CDH13: variants seen among roughly 807,000 people sequenced by gnomAD.
CDH13 encodes cadherin 13.
CDH13 carries 24 observed loss-of-function variants against 63.8 expected under a neutral mutation model. The observed-to-expected ratio is 0.38, with a 90% CI of 0.27 to 0.53. The LOEUF (loss-of-function observed/expected upper bound fraction) is 0.53, where lower values mean the gene tolerates loss of function less well. Among genes scored for constraint, CDH13 ranks in the 20% least tolerant of loss-of-function variants. The probability of loss-of-function intolerance (pLI) is 0.85; values close to 1 mark genes in which losing one functional copy is unlikely to be tolerated. For synonymous variants in CDH13, 503 were observed against 355.3 expected, an observed-to-expected ratio of 1.42 and a Z score of -4.67; for missense variants, 1,049 against 903.1, an observed-to-expected ratio of 1.16 and a Z score of -2.07.
chr16:83,624,716 C>G (rs895810768), intron 8 of CDH13, among the ~76,000 whole-genome samples: 6 of 152,142 alleles, frequency 3.9e-5, no homozygotes, highest in Non-Finnish European at 5.9e-5. Flanking sequence ...CCCTAGATCA[C>G]CTGCCCACCT....
At chr16:82,820,683 C>T (rs2037962994) in intron 1 of CDH13, among the ~76,000 whole-genome samples, 1 of 152,176 alleles carries the variant, frequency 6.6e-6, no homozygotes, top group Non-Finnish European at 1.5e-5. Context: ...GACAGGGTTC[C>T]TCCCCCAAAA....
At chr16:83,479,803 A>T (rs2073711361) in intron 6 of CDH13, among the ~76,000 whole-genome samples, 1 of 152,248 alleles carries the variant, frequency 6.6e-6, no homozygotes, top group African/African-American at 2.4e-5. Context: ...ATCACATCAG[A>T]TGTATTAGAT....
intron 7 of CDH13, among the ~76,000 whole-genome samples, chr16:83,576,041 A>G (rs1339099462): frequency 6.6e-6 from 1 of 152,238 alleles, no homozygotes; most frequent in Non-Finnish European, 1.5e-5. Context: ...TGTTAAAGTG[A>G]CAAGTTGAGT....
rs544482529 is a variant in CDH13 at position 82,929,337 on chromosome 16, G to A, written c.157+70864G>A. ...AAAAGAGACCCCAGTGAACTCGCTC[G>A]TCCTTTTCTACTACATGAGGACACA... On this transcript the variant is annotated intron_variant, in intron 2 of 13. Transcript: ENST00000567109. 7.3e-4 allele frequency among the ~76,000 whole-genome samples: 111 copies of A among 151,924 alleles called. 1 individual carries two copies. The Middle Eastern group carries it at 0.014, about 19-fold the overall frequency.
At chr16:82,842,100 A>ATATATATGTATG (rs2039035861) in intron 1 of CDH13, among the ~76,000 whole-genome samples, 1 of 33,422 alleles carries the variant, frequency 3.0e-5, no homozygotes, top group African/African-American at 1.1e-4. Context: ...ACATATATAT[A>ATATATATGTATG]TATATATATA....
chr16:83,722,450 T>C (rs1479444588), intron 10 of CDH13, among the ~76,000 whole-genome samples: 1 of 152,192 alleles, frequency 6.6e-6, no homozygotes, highest in Non-Finnish European at 1.5e-5. Context: ...GTGCATTCAG[T>C]GACATCGTGG....
At chr16:83,209,427 T>C (rs942165625) in intron 4 of CDH13, among the ~76,000 whole-genome samples, 1 of 152,118 alleles carries the variant, frequency 6.6e-6, no homozygotes, top group Non-Finnish European at 1.5e-5. Context: ...ATGCATAAGT[T>C]ATTGCTATCA....
At chr16:83,651,035 A>C (rs1024901126) in intron 8 of CDH13, among the ~76,000 whole-genome samples, 1 of 152,030 alleles carries the variant, frequency 6.6e-6, no homozygotes, top group African/African-American at 2.4e-5. Context: ...CGGGAGGTCA[A>C]GGCTGCAGTG....
intron 2 of CDH13, among the ~76,000 whole-genome samples, chr16:83,015,855 C>T (rs542731263): frequency 4.6e-5 from 7 of 151,246 alleles, no homozygotes; most frequent in Non-Finnish European, 1.0e-4. Context: ...AAGAATTATT[C>T]AATTGCAAAA....
intron 2 of CDH13, among the ~76,000 whole-genome samples, chr16:83,028,395 G>C (rs537400975): frequency 6.6e-6 from 1 of 152,318 alleles, no homozygotes; most frequent in East Asian, 1.9e-4. Context: ...TGGCTCTAAA[G>C]CTGACTTAAC....
At chr16:83,030,014 A>C (rs1179874947) in intron 2 of CDH13, among the ~76,000 whole-genome samples, 3 of 152,172 alleles carry the variant, frequency 2.0e-5, no homozygotes, top group African/African-American at 7.2e-5. Flanking sequence ...TGATACCCAT[A>C]ATAATAGAAT....
At chr16:83,520,696 A>G (rs2074810666) in intron 7 of CDH13, among the ~76,000 whole-genome samples, 1 of 152,126 alleles carries the variant, frequency 6.6e-6, no homozygotes, top group African/African-American at 2.4e-5. Flanking sequence ...TTGTCCTGGA[A>G]GGGCTTAATG....
chr16:83,757,746 A>G (rs943454110), intron 11 of CDH13, among the ~76,000 whole-genome samples: 38 of 152,230 alleles, frequency 2.5e-4, no homozygotes, highest in African/African-American at 7.5e-4. Context: ...TCAAAAAGAT[A>G]CAAAGATATT....
intron 7 of CDH13, among the ~76,000 whole-genome samples, chr16:83,563,755 C>A (rs895916028): frequency 1.3e-5 from 2 of 152,154 alleles, no homozygotes; most frequent in African/African-American, 4.8e-5. Flanking sequence ...ATATAACTCT[C>A]CCCAAACCAA....
chr16:82,720,631 G>A lies in CDH13; in HGVS notation c.45+93494G>A, dbSNP rs2032709837. On this transcript the variant is annotated intron_variant, in intron 1 of 13. Coordinates refer to ENST00000567109, the MANE Select transcript of CDH13 (RefSeq NM_001257.5). ...GGGAAAACCCACACAAACATGGGGA[G>A]AATGTACAAACTCCACACACAGGGT... Among the ~76,000 whole-genome samples, 3 of 151,952 alleles carry A rather than the reference G, an allele frequency of 2.0e-5. No homozygotes were observed. The South Asian group carries it at 6.2e-4, about 32-fold the overall frequency.
chr16:82,713,983 G>A (rs1035128278), intron 1 of CDH13, among the ~76,000 whole-genome samples: 2 of 151,924 alleles, frequency 1.3e-5, no homozygotes, highest in Non-Finnish European at 2.9e-5. Context: ...CACTCTTGTC[G>A]CCTAGGCTGG....
intron 1 of CDH13, among the ~76,000 whole-genome samples, chr16:82,821,020 A>G (rs2037980304): frequency 6.6e-6 from 1 of 152,176 alleles, no homozygotes; most frequent in African/African-American, 2.4e-5. Context: ...GCCATCAGTT[A>G]CAGCGGAAAT....
chr16:83,388,281 T>TG (rs1030615972), intron 6 of CDH13, among the ~76,000 whole-genome samples: 8 of 137,110 alleles, frequency 5.8e-5, no homozygotes, highest in Admixed American at 5.8e-4. Flanking sequence ...ACCCTCTCTC[T>TG]GGAAAAAAAA....
intron 7 of CDH13, among the ~76,000 whole-genome samples, chr16:83,571,434 A>G (rs1904611829): frequency 6.6e-6 from 1 of 152,222 alleles, no homozygotes; most frequent in Non-Finnish European, 1.5e-5. Context: ...CCTTAAAGCA[A>G]TAAGATATTG....
Sources: allele counts gnomAD v4.1 joint callset (sites outside exome capture counted in the v4.1 genomes callset), GRCh38; gene constraint gnomAD v4.1.1; transcripts MANE v1.5; gene names NCBI Gene and HGNC (gene_info 2026-07-23, HGNC 2026-07-21).